Variants in SIN3A observed in about 807,000 individuals in gnomAD.
The protein encoded by SIN3A is paired amphipathic helix protein Sin3a.
Under a neutral mutation model 146.1 loss-of-function variants are expected in SIN3A, and 14 were observed. The ratio of observed to expected loss-of-function variants is 0.10; its 90% CI spans 0.06 to 0.15. The LOEUF (loss-of-function observed/expected upper bound fraction) is 0.15. SIN3A is among the 10% of genes least tolerant of loss of function. The pLI is 1.00. For synonymous variants in SIN3A, 572 were observed against 572.0 expected (o/e 1.00, Z 0.00); for missense variants, 1,028 against 1,576.0 (o/e 0.65, Z 5.89).
Position 75,411,606 on chromosome 15 carries a change from G to T in SIN3A, c.894C>A (p.Asn298Lys), listed in dbSNP as rs1327629585. 1 of 1,614,070 alleles carries T rather than the reference G, an allele frequency of 6.2e-7. No homozygotes were observed. Among genetic ancestry groups the T allele is most frequent in the East Asian group, 2.2e-5 (1 of 44,884 alleles). The stretch of plus-strand genomic sequence containing the variant: ...CATGATTAAACTCCACAGGTTGATT[G>T]TTCTGCAAGGATGGGGCCGTTCCCA... Reference protein sequence around the residue: ...ISLGTAPSLQNNQPVEFNHAI... With the variant: ...ISLGTAPSLQKNQPVEFNHAI... Residue 298 changes from asparagine (N) to lysine (K), a missense_variant, in exon 6 of 21, where the codon AAC (asparagine) becomes AAA (lysine). This residue lies in a region of SIN3A where 112 missense variants were observed against 135.7 expected (regional missense o/e 0.83). Coordinates refer to ENST00000394947, the MANE Select transcript of SIN3A (RefSeq NM_001145358.2).
chr15:75,382,377 C>T (rs966362093), intron 17 of SIN3A, among the ~76,000 whole-genome samples: 2 of 152,200 alleles, frequency 1.3e-5, no homozygotes, highest in African/African-American at 4.8e-5. Context: ...GGGGTGGGGG[C>T]AGACCCTGCA....
intron 1 of SIN3A, among the ~76,000 whole-genome samples, chr15:75,434,538 T>C (rs2074069196): frequency 6.6e-6 from 1 of 151,674 alleles, no homozygotes; most frequent in Non-Finnish European, 1.5e-5. Context: ...TAATCCCAGC[T>C]ACTCAGGAGG....
At chr15:75,418,899 C>T (rs1264479146) in intron 3 of SIN3A, among the ~76,000 whole-genome samples, 3 of 152,092 alleles carry the variant, frequency 2.0e-5, no homozygotes, top group East Asian at 3.9e-4. Flanking sequence ...GGACTACAGG[C>T]GCCCGCCACC....
At chr15:75,392,864 A>C in intron 14 of SIN3A, 49 bp from the exon 15 acceptor site, 3 of 1,345,908 alleles carry the variant, frequency 2.2e-6, no homozygotes, top group Non-Finnish European at 3.1e-6. Context: ...CTACAGCGAC[A>C]ACATGTCTAC....
In SIN3A at chr15:75,376,051, A is replaced by G. The variant is rs1034760611; in HGVS notation, c.3384-179T>C. 4 of 629,776 alleles carry G rather than the reference A, an allele frequency of 6.4e-6. No individual in the cohort carries two copies. In the African/African-American group the frequency reaches 7.4e-5, roughly 12 times the overall value. 39.0% of individuals were successfully genotyped at this position (629,776 alleles called of 1,614,324 possible). A position where few individuals can be genotyped will look rare whatever the true frequency, so the allele number is the denominator to read the frequency against. On this transcript the variant is annotated intron_variant, in intron 19 of 20. Coordinates refer to ENST00000394947, the MANE Select transcript of SIN3A (RefSeq NM_001145358.2). ...AATTTCAACTGCAAAGGTACACAGA[A>G]TAAAAAGCAGAAATCTTCACCCATC...
chr15:75,408,623 G>A (rs770099268), intron 8 of SIN3A, among the ~76,000 whole-genome samples: 1 of 152,166 alleles, frequency 6.6e-6, no homozygotes, highest in African/African-American at 2.4e-5. Context: ...TTTTCTGCAG[G>A]CAGACCATCA....
At chr15:75,443,941 T>C (rs1461840325) in intron 1 of SIN3A, among the ~76,000 whole-genome samples, 1 of 152,196 alleles carries the variant, frequency 6.6e-6, no homozygotes, top group Non-Finnish European at 1.5e-5. Context: ...TAATGATTTA[T>C]TTCACTACTG....
chr15:75,447,773 G>C (rs1025012228), intron 1 of SIN3A: 1 of 152,106 alleles, frequency 6.6e-6, no homozygotes, highest in Non-Finnish European at 1.5e-5. Context: ...CTCATGAAGG[G>C]TCCACTGTCA....
Position 75,372,130 on chromosome 15 carries a change from C to G in SIN3A, c.3671G>C (p.Arg1224Pro). The G allele has an allele frequency of 1.2e-6, 2 of 1,614,144 alleles. No individual in the cohort carries two copies. Among genetic ancestry groups the G allele is most frequent in the Non-Finnish European group, 1.7e-6 (2 of 1,180,032 alleles). ...VDKWTKEHVP[R>P]EMAAETSKWL... is the part of the protein sequence containing the mutation. ...CTTGCTGGTCTCTGCTGCCATTTCA[C>G]GGGGCACATGCTCCTTGGTCCATTT... The change falls in exon 21 of 21, where the codon CGT becomes CCT. Residue 1224 changes from arginine to proline, a missense_variant. Transcript: ENST00000394947.
At chr15:75,442,462 T>G (rs1348188569) in intron 1 of SIN3A, among the ~76,000 whole-genome samples, 1 of 151,358 alleles carries the variant, frequency 6.6e-6, no homozygotes, top group African/African-American at 2.4e-5. Flanking sequence ...CATATGCCAC[T>G]GCACCCAGCC....
intron 1 of SIN3A, among the ~76,000 whole-genome samples, chr15:75,438,059 C>T (rs2074136475): frequency 6.6e-6 from 1 of 152,140 alleles, no homozygotes; most frequent in Non-Finnish European, 1.5e-5. Context: ...TAAAAGTCAC[C>T]TGGCCATGTG....
intron 1 of SIN3A, among the ~76,000 whole-genome samples, chr15:75,443,364 G>A (rs1387810507): frequency 6.6e-6 from 1 of 152,172 alleles, no homozygotes; most frequent in Non-Finnish European, 1.5e-5. Flanking sequence ...TTCTCCAAAT[G>A]TTAACATCTT....
Position 75,435,537 on chromosome 15 carries a change from A to G in SIN3A, c.-33-5129T>C, listed in dbSNP as rs1395929187. Among the ~76,000 whole-genome samples the G allele has an allele frequency of 2.6e-5, 4 of 152,144 alleles. No individual in the cohort carries two copies. In the East Asian group the frequency reaches 5.8e-4, roughly 22 times the overall value. ...ACATGGAGAAACCCTGTCTCTACTA[A>G]AAACACAAATATTAGCTGGGCGTGG... On this transcript the variant is annotated intron_variant, in intron 1 of 20. Transcript: ENST00000394947.
chr15:75,394,493 G>C (rs943513038), intron 14 of SIN3A, among the ~76,000 whole-genome samples, 187 bp downstream of exon 14: 9 of 152,148 alleles, frequency 5.9e-5, no homozygotes, highest in Non-Finnish European at 1.3e-4. Flanking sequence ...AACAGCTTAG[G>C]TATAAAGGTA....
chr15:75,400,745 A>T lies in SIN3A; in HGVS notation c.1722T>A (p.Thr574=). The change falls in exon 11 of 21, where the codon ACT becomes ACA. Residue 574 remains threonine, a synonymous_variant. Coordinates refer to ENST00000394947, the MANE Select transcript of SIN3A (RefSeq NM_001145358.2). ...SYQQPKCTGR[T]PLCKEVLNDT... is the part of the protein sequence containing the mutation. ...AAGGCCTTACCTCTTTACAGAGAGG[A>T]GTCCGTCCTGTACACTTGGGCTGCT... 1 of 1,613,636 alleles carries T rather than the reference A, an allele frequency of 6.2e-7. No individual in the cohort carries two copies. Among genetic ancestry groups the T allele is most frequent in the Non-Finnish European group, 8.5e-7 (1 of 1,179,910 alleles).
At chr15:75,412,119 A>G (rs761127065) in intron 5 of SIN3A, among the ~76,000 whole-genome samples, 5 of 152,238 alleles carry the variant, frequency 3.3e-5, no homozygotes, top group African/African-American at 4.8e-5. Flanking sequence ...TCCACATAAA[A>G]AAGTCTTCTA....
intron 3 of SIN3A, chr15:75,421,575 G>A (rs1044245163): frequency 1.3e-5 from 2 of 152,166 alleles, no homozygotes; most frequent in Admixed American, 1.3e-4. Flanking sequence ...AAGAACTAAA[G>A]TAAGTATCAG....
chr15:75,383,736 C>G (rs1372795938), intron 17 of SIN3A, among the ~76,000 whole-genome samples: 1 of 152,060 alleles, frequency 6.6e-6, no homozygotes, highest in East Asian at 1.9e-4. Flanking sequence ...ATCCTTCTAC[C>G]TCATTCTCCT....
At chr15:75,421,911 ACATACT>A (rs2073845043) in intron 3 of SIN3A, 1 of 152,224 alleles carries the variant, frequency 6.6e-6, no homozygotes, top group African/African-American at 2.4e-5. Flanking sequence ...AACGTACCAC[ACATACT>A]CAGCAGAAAA....
Sources: gnomAD v4.1 joint callset for allele counts (sites outside exome capture counted in the v4.1 genomes callset) on GRCh38, gnomAD v4.1.1 for gene constraint, gnomAD v4.1.1 regional missense constraint, MANE v1.5 for transcripts, NCBI Gene and HGNC (gene_info 2026-07-23, HGNC 2026-07-21) for gene names.